Variants in VEPH1 observed in about 807,000 individuals in gnomAD.
VEPH1 encodes the protein ventricular zone-expressed PH domain-containing protein homolog 1.
VEPH1 carries 80 observed loss-of-function variants against 85.2 expected under a neutral mutation model. That is an observed-to-expected ratio of 0.94 (90% CI 0.78 to 1.13). The LOEUF is 1.13. Ranked by LOEUF, VEPH1 falls within the 50% of genes most tolerant of loss-of-function variation. The pLI, the probability that VEPH1 is intolerant of heterozygous loss-of-function variation, is 0.00. For missense variants in VEPH1, 955 were observed against 980.5 expected (o/e 0.97, Z 0.35); for synonymous variants, 297 against 348.0 (o/e 0.85, Z 1.63).
At chr3:157,316,680 A>G (rs1720785832) in intron 10 of VEPH1, among the ~76,000 whole-genome samples, 1 of 152,034 alleles carries the variant, frequency 6.6e-6, no homozygotes, top group Admixed American at 6.6e-5. Flanking sequence ...AACAATGTCA[A>G]AAAGGATATA....
In VEPH1 at chr3:157,364,512, C is replaced by A; in HGVS notation, c.1128G>T (p.Arg376Ser). 6.2e-7 allele frequency: 1 copy of A among 1,612,856 alleles called. No individual in the cohort carries two copies. Among genetic ancestry groups the A allele is most frequent in the Non-Finnish European group, 8.5e-7 (1 of 1,179,370 alleles). Residue 376 changes from arginine (R) to serine (S), a missense_variant and splice_region_variant, in exon 8 of 14, where the codon AGG (arginine) becomes AGT (serine). Transcript: ENST00000362010. The part of the protein sequence containing the change: ...QLENTKAGSG[R>S]RKISTEIEFP... ...ATTCAATTTCAGTGCTGATTTTTCT[C>A]CTAAAGGAATATAAATCATTGCATT...
intron 11 of VEPH1, among the ~76,000 whole-genome samples, chr3:157,299,573 A>T (rs1042032708): frequency 6.6e-6 from 1 of 151,156 alleles, no homozygotes; most frequent in African/African-American, 2.4e-5. Flanking sequence ...AAAAAAAAAA[A>T]AAAAAAAGAA....
At chr3:157,347,050 C>A (rs1724304023) in intron 9 of VEPH1, among the ~76,000 whole-genome samples, 1 of 152,160 alleles carries the variant, frequency 6.6e-6, no homozygotes, top group African/African-American at 2.4e-5. Context: ...ACAATAACAT[C>A]TTAAGCATTC....
intron 7 of VEPH1, among the ~76,000 whole-genome samples, chr3:157,376,528 C>T (rs923669988): frequency 6.6e-6 from 1 of 152,180 alleles, no homozygotes; most frequent in African/African-American, 2.4e-5. Context: ...GCCCTTGTAC[C>T]CTTTTGCTTC....
chr3:157,307,372 G>A (rs772230233), intron 11 of VEPH1, among the ~76,000 whole-genome samples: 3 of 151,730 alleles, frequency 2.0e-5, no homozygotes, highest in Non-Finnish European at 2.9e-5. Flanking sequence ...TCTTCTAATT[G>A]TTATAAGATT....
chr3:157,272,375 T>TTTCTTTCTTTCTTTC (rs200016080), intron 12 of VEPH1, among the ~76,000 whole-genome samples: 34 of 95,038 alleles, frequency 3.6e-4, no homozygotes, highest in African/African-American at 1.1e-3. Flanking sequence ...TTTCTCTTTC[T>TTTCTTTCTTTCTTTC]TTTCTTTCTT....
intron 4 of VEPH1, chr3:157,437,637 G>T (rs1733721312): frequency 6.4e-7 from 1 of 1,551,686 alleles, no homozygotes; most frequent in Non-Finnish European, 8.7e-7. Flanking sequence ...GGGGCGAGCT[G>T]CAGAGGCTGC....
At position 157,363,453 on chromosome 3, in the gene VEPH1, A is replaced by C; in HGVS notation, c.1646T>G (p.Leu549Trp). 1 of 1,613,928 alleles carries C rather than the reference A, an allele frequency of 6.2e-7. No homozygotes were observed. Among genetic ancestry groups the C allele is most frequent in the Non-Finnish European group, 8.5e-7 (1 of 1,179,954 alleles). ...SPIEYQDKLY[L>W]HLKKNLSKVK... ...TTTGCTGAGGTTTTTTTTTAAGTGC[A>C]AGTAGAGCTTATCTTGGTATTCTAT... Residue 549 changes from leucine to tryptophan, a missense_variant, in exon 9 of 14, where the codon TTG becomes TGG. Leu to Trp is a moderately conservative substitution (Grantham distance 61, BLOSUM62 -2). Transcript: ENST00000362010.
chr3:157,347,781 C>T (rs1724395066), intron 9 of VEPH1, among the ~76,000 whole-genome samples: 1 of 152,252 alleles, frequency 6.6e-6, no homozygotes, highest in African/African-American at 2.4e-5. Flanking sequence ...CACCTACAGT[C>T]CTCACTACTG....
intron 5 of VEPH1, 23 bp from the exon 6 acceptor site, chr3:157,414,113 G>C (rs371429291): frequency 1.3e-6 from 2 of 1,531,806 alleles, no homozygotes; most frequent in African/African-American, 1.4e-5. Context: ...AGGAGAGGAG[G>C]AGGGAAGAAA....
At chr3:157,279,540 T>G (rs1447967326) in intron 12 of VEPH1, among the ~76,000 whole-genome samples, 1 of 151,842 alleles carries the variant, frequency 6.6e-6, no homozygotes, top group African/African-American at 2.4e-5. Context: ...AAGGGGAGGA[T>G]AAGCCACTTA....
intron 7 of VEPH1, among the ~76,000 whole-genome samples, chr3:157,374,389 A>G (rs953100196): frequency 2.0e-5 from 3 of 152,254 alleles, no homozygotes; most frequent in Admixed American, 2.0e-4. Context: ...AGAATGTCCC[A>G]TGTTTTTAAT....
intron 1 of VEPH1, among the ~76,000 whole-genome samples, chr3:157,500,031 A>G (rs577708512): frequency 6.6e-6 from 1 of 152,298 alleles, no homozygotes; most frequent in East Asian, 1.9e-4. Flanking sequence ...TTGCTAATAA[A>G]CAGAACAAAC....
chr3:157,350,263 G>A (rs1408988379), intron 9 of VEPH1, among the ~76,000 whole-genome samples: 1 of 152,076 alleles, frequency 6.6e-6, no homozygotes, highest in Non-Finnish European at 1.5e-5. Context: ...AAAACTCATT[G>A]GAAAAAGGAT....
chr3:157,467,892 C>T (rs1736538628), intron 3 of VEPH1, among the ~76,000 whole-genome samples: 1 of 152,218 alleles, frequency 6.6e-6, no homozygotes, highest in Admixed American at 6.5e-5. Flanking sequence ...TTTACACTGT[C>T]TTGATCATCA....
At chr3:157,341,125 C>A (rs552026965) in intron 9 of VEPH1, among the ~76,000 whole-genome samples, 1 of 152,318 alleles carries the variant, frequency 6.6e-6, no homozygotes, top group East Asian at 1.9e-4. Context: ...AGCCTCTCCC[C>A]CTCCAAAGGA....
intron 9 of VEPH1, among the ~76,000 whole-genome samples, chr3:157,348,449 C>T (rs2108689285): frequency 6.6e-6 from 1 of 152,096 alleles, no homozygotes; most frequent in Admixed American, 6.5e-5. Flanking sequence ...GCCACTGTAA[C>T]TGGGGTGAGG....
intron 4 of VEPH1, among the ~76,000 whole-genome samples, chr3:157,445,081 T>C (rs1306629339): frequency 6.6e-6 from 1 of 152,152 alleles, no homozygotes; most frequent in Non-Finnish European, 1.5e-5. Context: ...TGTGATTCTT[T>C]TCCTCCTTCT....
chr3:157,462,045 A>T (rs4680369), intron 3 of VEPH1, among the ~76,000 whole-genome samples: 1 of 147,922 alleles, frequency 6.8e-6, no homozygotes, highest in Admixed American at 6.8e-5. Flanking sequence ...AATGTATTTT[A>T]TATATATAAT....
Sources: allele counts gnomAD v4.1 joint callset (sites outside exome capture counted in the v4.1 genomes callset), GRCh38; gene constraint gnomAD v4.1.1; transcripts MANE v1.5; gene names NCBI Gene and HGNC (gene_info 2026-07-23, HGNC 2026-07-21).